Variants in LRRIQ3 observed in about 807,000 individuals in gnomAD.
LRRIQ3 encodes the protein leucine-rich repeat and IQ domain-containing protein 3.
LRRIQ3 carries 75 observed loss-of-function variants against 59.3 expected under a neutral mutation model. That is an observed-to-expected ratio of 1.26 (90% CI 1.05 to 1.53). The LOEUF (loss-of-function observed/expected upper bound fraction) is 1.53, where lower values mean the gene tolerates loss of function less well. Among genes scored for constraint, LRRIQ3 ranks in the 40% most tolerant of loss-of-function variants. The pLI, the probability that LRRIQ3 is intolerant of heterozygous loss-of-function variation, is 0.00. For missense variants in LRRIQ3, 831 were observed against 710.0 expected (o/e 1.17, Z -1.94); for synonymous variants, 250 against 231.3 (o/e 1.08, Z -0.73).
intron 4 of LRRIQ3, among the ~76,000 whole-genome samples, chr1:74,122,266 G>C (rs1286988915): frequency 3.3e-5 from 5 of 152,084 alleles, no homozygotes; most frequent in African/African-American, 1.2e-4. Flanking sequence ...ACTTTTTAAT[G>C]ATCGCTATTC....
At chr1:74,182,514 T>C (rs777523176) in intron 3 of LRRIQ3, 24 bp downstream of exon 3, 8 of 1,417,658 alleles carry the variant, frequency 5.6e-6, no homozygotes, top group Non-Finnish European at 7.4e-6. Context: ...TTAATTAAAA[T>C]GAAACCCTAA....
Position 74,109,427 on chromosome 1 carries a change from A to C in LRRIQ3, c.834T>G (p.Thr278=). The C allele has an allele frequency of 1.3e-6, 2 of 1,557,658 alleles. No individual in the cohort carries two copies. The highest frequency in any genetic ancestry group is 3.5e-4 in the Middle Eastern group (2 of 5,640). ...AATATGCAAGCTTTCCTTTTATATTAGTTTCAGGTTTGAAAAAGAGATCCT... is the reference window on the plus strand; with the variant it reads ...AATATGCAAGCTTTCCTTTTATATTCGTTTCAGGTTTGAAAAAGAGATCCT... The part of the protein sequence containing the change: ...LLKDLFFKPE[T]NIKGKLAYWK... The change falls in exon 5 of 8, where the codon ACT becomes ACG. Residue 278 remains threonine (T), a synonymous_variant. Transcript: ENST00000354431.
At chr1:74,159,676 C>T (rs1164848530) in intron 3 of LRRIQ3, among the ~76,000 whole-genome samples, 2 of 152,038 alleles carry the variant, frequency 1.3e-5, no homozygotes, top group African/African-American at 4.8e-5. Context: ...TATCTTACTG[C>T]CTCACATACC....
Position 74,074,777 on chromosome 1 carries a change from GGAT to G in LRRIQ3, c.878_880del (p.Tyr293_Pro294delinsSer). On this transcript the variant is annotated inframe_deletion, in exon 6 of 8. Transcript: ENST00000354431. ...TTCACTGGAATTTTTTAAATCAACA[GGAT>G]AATATATATTCTGTGAAAATAAAAT... 1 of 1,363,996 alleles carries G rather than the reference GGAT, an allele frequency of 7.3e-7. No homozygotes were observed. Among genetic ancestry groups the G allele is most frequent in the Non-Finnish European group, 9.9e-7 (1 of 1,011,566 alleles). 84.5% of individuals were successfully genotyped at this position (1,363,996 alleles called of 1,614,324 possible). A position where few individuals can be genotyped will look rare whatever the true frequency, so the allele number is the denominator to read the frequency against.
chr1:74,041,080 C>T, intron 7 of LRRIQ3, 133 bp downstream of exon 7: 1 of 724,198 alleles, frequency 1.4e-6, no homozygotes, highest in Non-Finnish European at 2.2e-6. Flanking sequence ...ATTATTTGTT[C>T]TTTGTTTTAA....
chr1:74,195,456 T>C (rs1327814839), intron 1 of LRRIQ3, among the ~76,000 whole-genome samples: 2 of 152,108 alleles, frequency 1.3e-5, no homozygotes, highest in African/African-American at 2.4e-5. Context: ...CCTGTAGTAA[T>C]AAAAAAACAG....
chr1:74,185,469 C>T (rs974465479), intron 1 of LRRIQ3, among the ~76,000 whole-genome samples: 1 of 152,052 alleles, frequency 6.6e-6, no homozygotes, highest in Non-Finnish European at 1.5e-5. Flanking sequence ...CTGTTCAGAT[C>T]TTTTGTCCAT....
At chr1:74,126,241 C>T (rs564352457) in intron 4 of LRRIQ3, among the ~76,000 whole-genome samples, 1 of 151,456 alleles carries the variant, frequency 6.6e-6, no homozygotes, top group South Asian at 2.1e-4. Context: ...GGTCTTCTCT[C>T]TTTTTTTCTT....
At chr1:74,151,985 C>A (rs888639330) in intron 4 of LRRIQ3, among the ~76,000 whole-genome samples, 3 of 151,980 alleles carry the variant, frequency 2.0e-5, no homozygotes, top group African/African-American at 7.2e-5. Context: ...ATCACTATCT[C>A]GTTCTTTACA....
intron 1 of LRRIQ3, among the ~76,000 whole-genome samples, chr1:74,192,724 C>T (rs1557664195): frequency 1.3e-5 from 2 of 151,820 alleles, no homozygotes; most frequent in Non-Finnish European, 2.9e-5. Flanking sequence ...CTGGTTATTG[C>T]TATTAAAAGG....
At chr1:74,116,065 T>C (rs1646772554) in intron 4 of LRRIQ3, among the ~76,000 whole-genome samples, 1 of 151,972 alleles carries the variant, frequency 6.6e-6, no homozygotes, top group Non-Finnish European at 1.5e-5. Flanking sequence ...TCAAAATATA[T>C]TGATTTTAAA....
At chr1:74,191,620 A>C (rs946149584) in intron 1 of LRRIQ3, among the ~76,000 whole-genome samples, 2 of 152,134 alleles carry the variant, frequency 1.3e-5, no homozygotes, top group Non-Finnish European at 2.9e-5. Context: ...GAATTAAACT[A>C]GATATCAATA....
intron 5 of LRRIQ3, among the ~76,000 whole-genome samples, chr1:74,098,308 G>T (rs1646477465): frequency 6.6e-6 from 1 of 152,040 alleles, no homozygotes; most frequent in South Asian, 2.1e-4. Context: ...AGACAAAGAA[G>T]GCCATTACAA....
chr1:74,108,913 C>T (rs878927205), intron 5 of LRRIQ3: 3 of 408,860 alleles, frequency 7.3e-6, no homozygotes, highest in South Asian at 5.5e-5. Context: ...GAATAAGTTA[C>T]ATACCACTTG....
intron 4 of LRRIQ3, among the ~76,000 whole-genome samples, chr1:74,117,185 C>G (rs1386246954): frequency 6.6e-6 from 1 of 151,960 alleles, no homozygotes; most frequent in East Asian, 1.9e-4. Context: ...GTAACTTTGG[C>G]AATGGTTGAA....
intron 4 of LRRIQ3, among the ~76,000 whole-genome samples, chr1:74,131,209 G>C (rs1647012934): frequency 6.6e-6 from 1 of 152,032 alleles, no homozygotes; most frequent in South Asian, 2.1e-4. Context: ...CCAATAACAG[G>C]CTCTGAAATT....
At chr1:74,098,133 C>A (rs577522414) in intron 5 of LRRIQ3, among the ~76,000 whole-genome samples, 1 of 150,724 alleles carries the variant, frequency 6.6e-6, no homozygotes, top group African/African-American at 2.4e-5. Context: ...GAGTCAAGAC[C>A]CATCAGTGTG....
At chr1:74,130,695 C>A (rs1557630464) in intron 4 of LRRIQ3, among the ~76,000 whole-genome samples, 2 of 152,016 alleles carry the variant, frequency 1.3e-5, no homozygotes. Context: ...GGTGCGTTAC[C>A]TCTTTCAATC....
chr1:74,117,353 AAAAGTATGAAGAAAAGATAAGC>A (rs1646791437), intron 4 of LRRIQ3, among the ~76,000 whole-genome samples: 2 of 152,298 alleles, frequency 1.3e-5, no homozygotes, highest in South Asian at 4.1e-4. Flanking sequence ...GTCTCATGTA[AAAAGTATGAAGAAAAGATAAGC>A]AAAGTATGAA....
Sources: allele counts gnomAD v4.1 joint callset (sites outside exome capture counted in the v4.1 genomes callset), GRCh38; gene constraint gnomAD v4.1.1; transcripts MANE v1.5; gene names NCBI Gene and HGNC (gene_info 2026-07-23, HGNC 2026-07-21).